ADCK1: variants seen among roughly 807,000 people sequenced by gnomAD.
ADCK1 encodes aarF domain containing kinase 1, also known as aarF domain-containing protein kinase 1.
ADCK1 carries 41 observed loss-of-function variants against 52.3 expected under a neutral mutation model. The ratio of observed to expected loss-of-function variants is 0.78; its 90% confidence interval spans 0.61 to 1.02. ADCK1 has a LOEUF of 1.02. ADCK1 is among the 50% of genes least tolerant of loss of function. ADCK1 has a pLI of 0.00. For missense variants in ADCK1, 658 were observed against 679.5 expected (o/e 0.97, Z 0.35); for synonymous variants, 250 against 274.6 (o/e 0.91, Z 0.89).
intron 7 of ADCK1, among the ~76,000 whole-genome samples, chr14:77,919,504 G>C (rs1180019237): frequency 6.6e-6 from 1 of 152,154 alleles, no homozygotes; most frequent in Admixed American, 6.5e-5. Flanking sequence ...GGGCATTTAG[G>C]CTGGTTCCAT....
intron 9 of ADCK1, among the ~76,000 whole-genome samples, chr14:77,929,551 G>T (rs915766650): frequency 1.3e-5 from 2 of 152,260 alleles, no homozygotes; most frequent in African/African-American, 4.8e-5. Flanking sequence ...CCAGTCATGT[G>T]GCAAGGGGCT....
intron 2 of ADCK1, chr14:77,821,099 CTG>C (rs1430928034): frequency 2.0e-5 from 3 of 152,146 alleles, no homozygotes; most frequent in Non-Finnish European, 4.4e-5. Flanking sequence ...CTGTGACTGA[CTG>C]TGAACAATCA....
intron 3 of ADCK1, chr14:77,827,824 T>C: frequency 2.5e-6 from 1 of 407,192 alleles, no homozygotes; most frequent in Non-Finnish European, 4.7e-6. Flanking sequence ...TTTTTTTAGT[T>C]TTTAAAAGGC....
In ADCK1 at chr14:77,933,771, G is replaced by C. The variant is rs1391483956; in HGVS notation, c.*380G>C. On this transcript the variant is annotated 3_prime_UTR_variant, in exon 11 of 11. Transcript: ENST00000238561. Reference sequence around the variant, plus strand: ...GTGTGATTTTGTTGGAGGTGCACATGGTCTCTGAATTTGACAGAGAACACC... The same window carrying C: ...GTGTGATTTTGTTGGAGGTGCACATCGTCTCTGAATTTGACAGAGAACACC... 5.2e-6 allele frequency: 1 copy of C among 193,442 alleles called. No individual in the cohort carries two copies. The highest frequency in any genetic ancestry group is 1.1e-5 in the Non-Finnish European group (1 of 93,286). The allele number at this position is 193,442 out of a possible 1,614,324, so 12.0% of individuals were successfully genotyped here. A position where few individuals can be genotyped will look rare whatever the true frequency, so the allele number is the denominator to read the frequency against.
intron 3 of ADCK1, among the ~76,000 whole-genome samples, chr14:77,824,817 T>C (rs1226263933): frequency 1.3e-5 from 2 of 152,236 alleles, no homozygotes; most frequent in Admixed American, 1.3e-4. Context: ...TGACATTTTC[T>C]ACATCTTTAA....
chr14:77,850,544 T>G (rs569460675), intron 3 of ADCK1, among the ~76,000 whole-genome samples: 1 of 152,142 alleles, frequency 6.6e-6, no homozygotes, highest in Non-Finnish European at 1.5e-5. Context: ...TGTTATGAAA[T>G]AATTTTCTTT....
At chr14:77,827,765 G>C (rs1437623747) in intron 3 of ADCK1, 1 of 373,092 alleles carries the variant, frequency 2.7e-6, no homozygotes, top group Non-Finnish European at 5.1e-6. Context: ...CCTGGAGCCA[G>C]GTCCCCTGGC....
intron 4 of ADCK1, among the ~76,000 whole-genome samples, chr14:77,867,403 A>C (rs1423754347): frequency 2.6e-5 from 4 of 152,306 alleles, no homozygotes; most frequent in South Asian, 4.2e-4. Flanking sequence ...GCTGGGCCTC[A>C]TCCTGCCTTC....
At chr14:77,895,986 A>C (rs146244734) in intron 5 of ADCK1, among the ~76,000 whole-genome samples, 225 of 152,266 alleles carry the variant, frequency 1.5e-3, no homozygotes, top group African/African-American at 5.0e-3. Context: ...CCCACAACCC[A>C]CAGGATGCCT....
intron 5 of ADCK1, among the ~76,000 whole-genome samples, chr14:77,891,118 T>C (rs1256020562): frequency 6.6e-6 from 1 of 152,078 alleles, no homozygotes; most frequent in African/African-American, 2.4e-5. Flanking sequence ...TAGCCTCTAT[T>C]TTTTCTCTGA....
chr14:77,824,130 C>T (rs2081640885), intron 3 of ADCK1, among the ~76,000 whole-genome samples: 1 of 151,018 alleles, frequency 6.6e-6, no homozygotes, highest in African/African-American at 2.4e-5. Flanking sequence ...AACTCCTGGC[C>T]TCAAGTGATC....
intron 7 of ADCK1, among the ~76,000 whole-genome samples, chr14:77,922,026 G>C (rs1020051450): frequency 6.6e-6 from 1 of 152,232 alleles, no homozygotes. Flanking sequence ...CTGATCAGGA[G>C]CCCTGATTGG....
intron 3 of ADCK1, among the ~76,000 whole-genome samples, chr14:77,839,827 G>C (rs533184885): frequency 4.7e-5 from 7 of 149,808 alleles, no homozygotes; most frequent in Admixed American, 4.0e-4. Context: ...GCTGAGGCAG[G>C]AGAATCGCTT....
At chr14:77,825,006 A>C (rs944915164) in intron 3 of ADCK1, among the ~76,000 whole-genome samples, 2 of 152,252 alleles carry the variant, frequency 1.3e-5, no homozygotes, top group African/African-American at 4.8e-5. Context: ...TTTGAAACAT[A>C]CAAAATGACC....
At chr14:77,813,420 C>G (rs1222986655) in intron 1 of ADCK1, among the ~76,000 whole-genome samples, 2 of 152,178 alleles carry the variant, frequency 1.3e-5, no homozygotes, top group Non-Finnish European at 2.9e-5. Context: ...AAGCAATTCT[C>G]CTGCCTCAGC....
At chr14:77,858,432 G>A (rs980050904) in intron 3 of ADCK1, among the ~76,000 whole-genome samples, 1 of 151,954 alleles carries the variant, frequency 6.6e-6, no homozygotes, top group Admixed American at 6.6e-5. Flanking sequence ...AGTAGATATG[G>A]GGTTTCACCA....
At chr14:77,858,612 G>A (rs1594952316) in intron 3 of ADCK1, among the ~76,000 whole-genome samples, 2 of 152,066 alleles carry the variant, frequency 1.3e-5, no homozygotes, top group South Asian at 4.1e-4. Context: ...TCCCTGAGGT[G>A]CTGTGAAGAT....
chr14:77,869,577 C>T (rs1214480705), intron 4 of ADCK1, among the ~76,000 whole-genome samples: 1 of 152,114 alleles, frequency 6.6e-6, no homozygotes, highest in South Asian at 2.1e-4. Context: ...TTAGGACTTC[C>T]ACATATGAAT....
At chr14:77,813,833 A>C (rs983303412) in intron 1 of ADCK1, among the ~76,000 whole-genome samples, 104 of 150,572 alleles carry the variant, frequency 6.9e-4, no homozygotes, top group Non-Finnish European at 1.3e-3. Context: ...GCAGTGGTGC[A>C]ATCTCGGCTC....
Sources: allele counts gnomAD v4.1 joint callset (sites outside exome capture counted in the v4.1 genomes callset), GRCh38; gene constraint gnomAD v4.1.1; transcripts MANE v1.5; gene names NCBI Gene and HGNC (gene_info 2026-07-23, HGNC 2026-07-21).